GFM1: variants seen among roughly 807,000 people sequenced by gnomAD.
GFM1 encodes the protein elongation factor G, mitochondrial.
Under a neutral mutation model 96.2 loss-of-function variants are expected in GFM1, and 62 were observed. The ratio of observed to expected loss-of-function variants is 0.64; its 90% CI spans 0.53 to 0.80. The LOEUF (loss-of-function observed/expected upper bound fraction) is 0.80, where lower values mean the gene tolerates loss of function less well. Ranked by LOEUF, GFM1 falls within the 30% of genes least tolerant of loss-of-function variation. GFM1 has a pLI of 0.00. For missense variants in GFM1, 852 were observed against 916.6 expected, an observed-to-expected ratio of 0.93 and a Z score of 0.91; for synonymous variants, 282 against 312.9, an observed-to-expected ratio of 0.90 and a Z score of 1.04.
At chr3:158,669,116 T>A in intron 13 of GFM1, 1 of 1,613,568 alleles carries the variant, frequency 6.2e-7, no homozygotes, top group Non-Finnish European at 8.5e-7. Context: ...TTTCTGGAGA[T>A]ACATTTCCAA....
chr3:158,667,165 A>G (rs1408396863), intron 13 of GFM1: 4 of 1,275,766 alleles, frequency 3.1e-6, no homozygotes, highest in Non-Finnish European at 4.2e-6. Context: ...GATTAGATGA[A>G]TATAATATTT....
intron 13 of GFM1, among the ~76,000 whole-genome samples, chr3:158,678,370 C>G (rs1328282449): frequency 6.6e-6 from 1 of 152,166 alleles, no homozygotes; most frequent in Non-Finnish European, 1.5e-5. Context: ...TGAAAACCTT[C>G]TAGAAAGGCT....
intron 4 of GFM1, among the ~76,000 whole-genome samples, chr3:158,647,965 CCTT>C (rs1178831033): frequency 8.5e-5 from 13 of 152,236 alleles, no homozygotes; most frequent in South Asian, 8.3e-4. Context: ...CTTTCTGTCT[CCTT>C]CTCATTTTGG....
At chr3:158,662,770 T>C in intron 11 of GFM1, 86 bp downstream of exon 11, 1 of 829,140 alleles carries the variant, frequency 1.2e-6, no homozygotes, top group Non-Finnish European at 2.1e-6. Context: ...TGATATCTTG[T>C]AATAACCAGC....
intron 13 of GFM1, among the ~76,000 whole-genome samples, chr3:158,680,238 T>C (rs1303196790): frequency 6.6e-6 from 1 of 152,168 alleles, no homozygotes; most frequent in Non-Finnish European, 1.5e-5. Context: ...GGGCTTTTAG[T>C]GTAATCGTCT....
chr3:158,663,383 C>T (rs986206541), intron 11 of GFM1, among the ~76,000 whole-genome samples: 4 of 152,170 alleles, frequency 2.6e-5, no homozygotes, highest in Non-Finnish European at 5.9e-5. Flanking sequence ...CTTATTCATA[C>T]ATTGAGTGAA....
chr3:158,673,007 G>T (rs770111113), intron 13 of GFM1, among the ~76,000 whole-genome samples: 2 of 152,102 alleles, frequency 1.3e-5, no homozygotes, highest in Non-Finnish European at 2.9e-5. Flanking sequence ...GCAGGGCAAG[G>T]TACACAGTAC....
intron 13 of GFM1, chr3:158,672,785 A>C: frequency 3.3e-6 from 1 of 305,466 alleles, no homozygotes; most frequent in Admixed American, 4.1e-5. Context: ...GTCAGGCACC[A>C]GCAGGTGGAG....
chr3:158,694,674 AGGCACACACCAC>A lies in GFM1; in HGVS notation c.*3208_*3219del, dbSNP rs1726485677. On this transcript the variant is annotated 3_prime_UTR_variant, in exon 18 of 18. Transcript: ENST00000486715. ...CAGCCTCTGGAGTAGCTGGGACAAG[AGGCACACACCAC>A]CATGCCTGGCTTGATAACTTTACCT... 6.6e-6 allele frequency among the ~76,000 whole-genome samples: 1 copy of A among 152,150 alleles called. No individual in the cohort carries two copies. Among genetic ancestry groups the A allele is most frequent in the South Asian group, 2.1e-4 (1 of 4,828 alleles).
At chr3:158,648,651 C>T (rs112390942) in intron 4 of GFM1, among the ~76,000 whole-genome samples, 9 of 142,864 alleles carry the variant, frequency 6.3e-5, no homozygotes, top group African/African-American at 2.1e-4. Flanking sequence ...ACACTTCAGC[C>T]TTGGCAACAG....
chr3:158,688,908 T>G (rs1463064874), intron 15 of GFM1, among the ~76,000 whole-genome samples: 1 of 152,244 alleles, frequency 6.6e-6, no homozygotes, highest in Non-Finnish European at 1.5e-5. Flanking sequence ...GCACTTAAGC[T>G]ATACTGTCTC....
chr3:158,669,257 A>G (rs1362278759), intron 13 of GFM1: 9 of 1,223,588 alleles, frequency 7.4e-6, no homozygotes, highest in Admixed American at 2.8e-5. Flanking sequence ...TAATTAAGCT[A>G]TGGATCTATA....
intron 13 of GFM1, among the ~76,000 whole-genome samples, chr3:158,680,335 A>G (rs1056622058): frequency 3.9e-5 from 6 of 152,124 alleles, no homozygotes; most frequent in Admixed American, 6.5e-5. Context: ...GTTCATTTTA[A>G]TGTGACAGAT....
intron 13 of GFM1, among the ~76,000 whole-genome samples, chr3:158,671,874 CA>C (rs1228597979): frequency 6.6e-6 from 1 of 152,190 alleles, no homozygotes; most frequent in Non-Finnish European, 1.5e-5. Context: ...CTTTGATTGT[CA>C]GTTTCTCTTG....
At chr3:158,653,246 A>G in intron 6 of GFM1, 64 bp from the exon 7 acceptor site, 1 of 1,280,720 alleles carries the variant, frequency 7.8e-7, no homozygotes, top group Non-Finnish European at 1.1e-6. Context: ...ATTTGTTTGT[A>G]GTTGACTTGA....
At chr3:158,677,983 A>G (rs949975410) in intron 13 of GFM1, among the ~76,000 whole-genome samples, 2 of 152,134 alleles carry the variant, frequency 1.3e-5, no homozygotes, top group African/African-American at 2.4e-5. Context: ...CCCCTTTCTC[A>G]TTGTCAAAAT....
rs1576756514 is a variant in GFM1 at position 158,666,018 on chromosome 3, C to T, written c.1519-286C>T. Among the ~76,000 whole-genome samples the T allele has an allele frequency of 5.9e-5, 9 of 152,120 alleles. No individual in the cohort carries two copies. In the South Asian group the frequency reaches 1.9e-3, roughly 32 times the overall value. ...CCTGACAACAGATTTATATATTATT[C>T]CAGTGAATATGTAATAATATTCAAC... On this transcript the variant is annotated intron_variant, in intron 12 of 17. Coordinates refer to ENST00000486715, the MANE Select transcript of GFM1 (RefSeq NM_024996.7).
intron 14 of GFM1, among the ~76,000 whole-genome samples, chr3:158,683,649 C>T (rs763104477): frequency 2.6e-5 from 4 of 152,274 alleles, no homozygotes; most frequent in East Asian, 3.9e-4. Context: ...TGAATAAACA[C>T]CAATTTTGGT....
At position 158,690,154 on chromosome 3, in the gene GFM1, T is replaced by G; in HGVS notation, c.1910-9T>G. 6 of 1,611,678 alleles carry G rather than the reference T, an allele frequency of 3.7e-6. 1 individual carries two copies. The highest frequency in any genetic ancestry group is 2.7e-5 in the African/African-American group (2 of 74,982). ...AAGACTAATGAACTTTTTTTTTTTT[T>G]TAACCCAGCCTTGGCAAATGCAACA... On this transcript the variant is annotated splice_polypyrimidine_tract_variant and intron_variant, in intron 15 of 17. Coordinates refer to ENST00000486715, the MANE Select transcript of GFM1 (RefSeq NM_024996.7).
Sources: gnomAD v4.1 joint callset for allele counts (sites outside exome capture counted in the v4.1 genomes callset) on GRCh38, gnomAD v4.1.1 for gene constraint, MANE v1.5 for transcripts, NCBI Gene and HGNC (gene_info 2026-07-23, HGNC 2026-07-21) for gene names.